The following AGBL1 variants were observed in gnomAD, a reference collection of about 807,000 sequenced individuals.
AGBL1 encodes the protein cytosolic carboxypeptidase 4.
Under a neutral mutation model 118.9 loss-of-function variants are expected in AGBL1, and 130 were observed. The ratio of observed to expected loss-of-function variants is 1.09; its 90% CI spans 0.95 to 1.26. The LOEUF (loss-of-function observed/expected upper bound fraction) is 1.26. AGBL1 is among the 50% of genes most tolerant of loss of function. AGBL1 has a pLI of 0.00. For missense variants in AGBL1, 1,584 were observed against 1,298.1 expected (o/e 1.22, Z -3.38); for synonymous variants, 555 against 478.9 (o/e 1.16, Z -2.08).
chr15:86,513,790 A>G (rs2083081854), intron 18 of AGBL1, among the ~76,000 whole-genome samples: 1 of 152,074 alleles, frequency 6.6e-6, no homozygotes, highest in South Asian at 2.1e-4. Flanking sequence ...TATTTAATTT[A>G]TTCTATGGGT....
rs1204834821 is a variant in AGBL1 at position 86,910,788 on chromosome 15, A to C, written c.*3494A>C. On this transcript the variant is annotated 3_prime_UTR_variant, in exon 23 of 23. Coordinates refer to ENST00000614907, the MANE Select transcript of AGBL1 (RefSeq NM_001386094.1). ...TTTGGGGACACAGGTGAATGTCCTG[A>C]GCACCTAAGCCCAGGTGTCAGTGAG... 1 of 152,162 alleles carries C rather than the reference A, an allele frequency of 6.6e-6. No individual in the cohort carries two copies. The highest frequency in any genetic ancestry group is 1.9e-4 in the East Asian group (1 of 5,182). 9.4% of individuals were successfully genotyped at this position (152,162 alleles called of 1,614,324 possible). A position where few individuals can be genotyped will look rare whatever the true frequency, so the allele number is the denominator to read the frequency against.
At chr15:86,310,968 T>A (rs758244412) in intron 17 of AGBL1, among the ~76,000 whole-genome samples, 4 of 152,154 alleles carry the variant, frequency 2.6e-5, no homozygotes, top group African/African-American at 4.8e-5. Context: ...ACACTTAGCT[T>A]TATGCAGGGA....
chr15:86,644,095 C>T (rs946715351), intron 21 of AGBL1, among the ~76,000 whole-genome samples: 1 of 152,108 alleles, frequency 6.6e-6, no homozygotes, highest in African/African-American at 2.4e-5. Context: ...TACTGTATGT[C>T]TATTCACTTT....
intron 22 of AGBL1, among the ~76,000 whole-genome samples, chr15:86,804,955 G>C (rs529123187): frequency 6.6e-6 from 1 of 152,234 alleles, no homozygotes; most frequent in Non-Finnish European, 1.5e-5. Context: ...TAGCCAATAA[G>C]GGAGATGCTG....
At chr15:86,246,606 G>A (rs988772902) in intron 6 of AGBL1, among the ~76,000 whole-genome samples, 2 of 152,202 alleles carry the variant, frequency 1.3e-5, no homozygotes, top group Non-Finnish European at 2.9e-5. Flanking sequence ...TGAGGAACAA[G>A]CAGGCCATGT....
intron 22 of AGBL1, among the ~76,000 whole-genome samples, chr15:86,871,554 C>T (rs1035815183): frequency 2.0e-5 from 3 of 152,160 alleles, no homozygotes; most frequent in Non-Finnish European, 2.9e-5. Flanking sequence ...CTCCTTCTAC[C>T]GACTTTTCTC....
intron 5 of AGBL1, among the ~76,000 whole-genome samples, chr15:86,199,887 A>G (rs1056988367): frequency 6.6e-6 from 1 of 152,226 alleles, no homozygotes; most frequent in Non-Finnish European, 1.5e-5. Context: ...AAGCCATTTA[A>G]TCCCTAAAGC....
intron 17 of AGBL1, among the ~76,000 whole-genome samples, chr15:86,345,562 A>T (rs886338263): frequency 6.6e-6 from 1 of 152,224 alleles, no homozygotes; most frequent in African/African-American, 2.4e-5. Flanking sequence ...TTTCTGTGGA[A>T]GTGACATTTA....
intron 23 of AGBL1, among the ~76,000 whole-genome samples, chr15:86,986,553 AG>A (rs2081284721): frequency 3.2e-4 from 1 of 3,156 alleles, no homozygotes; most frequent in Non-Finnish European, 1.9e-3. Flanking sequence ...AGCAAAAAGG[AG>A]GAGGAGGAGG....
intron 21 of AGBL1, among the ~76,000 whole-genome samples, chr15:86,604,502 C>G (rs145649416): frequency 5.3e-5 from 8 of 152,286 alleles, no homozygotes; most frequent in Middle Eastern, 6.8e-3. Context: ...ATTTACTCCT[C>G]AGTTAACTCT....
At chr15:86,963,879 T>C (rs1479009137) in intron 23 of AGBL1, among the ~76,000 whole-genome samples, 1 of 151,916 alleles carries the variant, frequency 6.6e-6, no homozygotes, top group African/African-American at 2.4e-5. Flanking sequence ...AGTTCATACT[T>C]ATAAAGCCAG....
At chr15:86,416,312 C>A (rs946644094) in intron 18 of AGBL1, among the ~76,000 whole-genome samples, 8 of 152,162 alleles carry the variant, frequency 5.3e-5, no homozygotes, top group Non-Finnish European at 8.8e-5. Context: ...TAGCTGAGAT[C>A]AATTTTTCTT....
intron 22 of AGBL1, among the ~76,000 whole-genome samples, chr15:86,770,902 A>C (rs189859666): frequency 6.6e-6 from 1 of 152,198 alleles, no homozygotes; most frequent in African/African-American, 2.4e-5. Flanking sequence ...ACCTGGGCAC[A>C]CAGCTAGATT....
intron 22 of AGBL1, among the ~76,000 whole-genome samples, chr15:86,740,927 G>C (rs928970490): frequency 2.0e-5 from 3 of 152,064 alleles, no homozygotes; most frequent in East Asian, 3.9e-4. Flanking sequence ...CCATCCCTCA[G>C]AGGATACACA....
intron 3 of AGBL1, among the ~76,000 whole-genome samples, chr15:86,150,903 A>G (rs1411566668): frequency 6.6e-6 from 1 of 152,180 alleles, no homozygotes; most frequent in Non-Finnish European, 1.5e-5. Flanking sequence ...CAGCACATCA[A>G]AAAGCTTATC....
chr15:86,184,644 A>G lies in AGBL1; in HGVS notation c.488+25618A>G, dbSNP rs534158595. ...ATTTGGTCTTTTCACATAGTCCCATATTTCTTGGAGGCTTTGTTCATTTCT... is the reference window on the plus strand; with the variant it reads ...ATTTGGTCTTTTCACATAGTCCCATGTTTCTTGGAGGCTTTGTTCATTTCT... On this transcript the variant is annotated intron_variant, in intron 5 of 22. Transcript: ENST00000614907. Among the ~76,000 whole-genome samples, 62 of 151,966 alleles carry G rather than the reference A, an allele frequency of 4.1e-4. 1 individual carries two copies. In the South Asian group the frequency reaches 9.2e-3, roughly 23 times the overall value.
intron 22 of AGBL1, among the ~76,000 whole-genome samples, chr15:86,827,278 A>T (rs1239919209): frequency 8.1e-6 from 1 of 124,118 alleles, no homozygotes; most frequent in African/African-American, 2.9e-5. Context: ...TAGTGGGCCC[A>T]ATGGGTGTGT....
chr15:86,673,527 A>T (rs867609390), intron 21 of AGBL1, among the ~76,000 whole-genome samples: 69 of 152,304 alleles, frequency 4.5e-4, no homozygotes, highest in African/African-American at 1.3e-3. Flanking sequence ...AGTTACTTGT[A>T]TTCATAAGTC....
chr15:86,274,845 A>G (rs1244995470), intron 15 of AGBL1, among the ~76,000 whole-genome samples: 1 of 152,136 alleles, frequency 6.6e-6, no homozygotes, highest in African/African-American at 2.4e-5. Flanking sequence ...CTAGATAATA[A>G]TCATTTTAAG....
Sources: gnomAD v4.1 joint callset for allele counts (sites outside exome capture counted in the v4.1 genomes callset) on GRCh38, gnomAD v4.1.1 for gene constraint, MANE v1.5 for transcripts, NCBI Gene and HGNC (gene_info 2026-07-23, HGNC 2026-07-21) for gene names.